The following GMDS variants were observed in gnomAD, a reference collection of about 807,000 sequenced individuals.
GMDS encodes the protein GDP-mannose 4,6 dehydratase.
Under a neutral mutation model 49.9 loss-of-function variants are expected in GMDS, and 20 were observed. The ratio of observed to expected loss-of-function variants is 0.40; its 90% confidence interval spans 0.28 to 0.58. GMDS has a LOEUF of 0.58. Ranked by LOEUF, GMDS falls within the 20% of genes least tolerant of loss-of-function variation. The pLI, the probability that GMDS is intolerant of heterozygous loss-of-function variation, is 0.42. For synonymous variants in GMDS, 177 were observed against 178.6 expected, an observed-to-expected ratio of 0.99 and a Z score of 0.07; for missense variants, 362 against 481.4, an observed-to-expected ratio of 0.75 and a Z score of 2.32.
At chr6:2,142,678 T>A (rs1349093201) in intron 1 of GMDS, among the ~76,000 whole-genome samples, 1 of 152,236 alleles carries the variant, frequency 6.6e-6, no homozygotes, top group South Asian at 2.1e-4. Context: ...AACCACCCAG[T>A]CTGTGGTACT....
At chr6:1,767,856 A>G (rs1211997504) in intron 7 of GMDS, among the ~76,000 whole-genome samples, 1 of 152,106 alleles carries the variant, frequency 6.6e-6, no homozygotes, top group East Asian at 1.9e-4. Flanking sequence ...GTTTCATTAA[A>G]AACAGAATAC....
chr6:1,844,571 G>A (rs140925240), intron 7 of GMDS, among the ~76,000 whole-genome samples: 72 of 152,200 alleles, frequency 4.7e-4, no homozygotes, highest in African/African-American at 1.7e-3. Context: ...TTCATTATCT[G>A]AGAAAATATT....
intron 9 of GMDS, among the ~76,000 whole-genome samples, chr6:1,698,442 A>G (rs1461165291): frequency 6.6e-6 from 1 of 152,162 alleles, no homozygotes; most frequent in East Asian, 1.9e-4. Context: ...CTCCCTGCAA[A>G]TAGGGGCAGC....
chr6:1,690,187 T>G (rs968290658), intron 9 of GMDS, among the ~76,000 whole-genome samples: 1 of 152,230 alleles, frequency 6.6e-6, no homozygotes, highest in African/African-American at 2.4e-5. Flanking sequence ...ATCATTTGTT[T>G]TAAAGAAAAC....
chr6:2,044,999 A>G (rs969053570), intron 4 of GMDS, among the ~76,000 whole-genome samples: 1 of 152,146 alleles, frequency 6.6e-6, no homozygotes, highest in African/African-American at 2.4e-5. Context: ...TCATCCATTC[A>G]CTAAAGGCTT....
At chr6:1,788,067 A>T (rs1276398386) in intron 7 of GMDS, among the ~76,000 whole-genome samples, 1 of 152,136 alleles carries the variant, frequency 6.6e-6, no homozygotes, top group Non-Finnish European at 1.5e-5. Flanking sequence ...GTCAAATTGG[A>T]ATATTAACAT....
At chr6:2,226,876 C>G (rs1780836342) in intron 1 of GMDS, among the ~76,000 whole-genome samples, 1 of 152,182 alleles carries the variant, frequency 6.6e-6, no homozygotes, top group Non-Finnish European at 1.5e-5. Context: ...TCCCTGGAGT[C>G]CCTCGTACTC....
chr6:2,189,235 G>A (rs1778910365), intron 1 of GMDS, among the ~76,000 whole-genome samples: 1 of 152,176 alleles, frequency 6.6e-6, no homozygotes. Flanking sequence ...GGCAACTGGT[G>A]TTTTGAGTCT....
At chr6:1,651,794 T>A (rs1056436500) in intron 9 of GMDS, among the ~76,000 whole-genome samples, 2 of 152,180 alleles carry the variant, frequency 1.3e-5, no homozygotes, top group Admixed American at 6.5e-5. Flanking sequence ...ATAATGTGTA[T>A]GCAAAAGCCC....
At chr6:2,114,981 A>C (rs1774763495) in intron 4 of GMDS, among the ~76,000 whole-genome samples, 1 of 151,660 alleles carries the variant, frequency 6.6e-6, no homozygotes, top group South Asian at 2.1e-4. Context: ...ACAAAAAAAA[A>C]CCTCATACAT....
chr6:1,666,544 G>T (rs1310392168), intron 9 of GMDS, among the ~76,000 whole-genome samples: 1 of 152,096 alleles, frequency 6.6e-6, no homozygotes, highest in Non-Finnish European at 1.5e-5. Context: ...TGATCCAAAG[G>T]TGAAGTTGAG....
At chr6:2,112,460 C>T (rs1205422259) in intron 4 of GMDS, among the ~76,000 whole-genome samples, 2 of 152,074 alleles carry the variant, frequency 1.3e-5, no homozygotes, top group Non-Finnish European at 2.9e-5. Context: ...GGTTCCCAGA[C>T]CAGGGACAGC....
At chr6:2,139,359 T>C (rs1044308419) in intron 1 of GMDS, among the ~76,000 whole-genome samples, 2 of 152,164 alleles carry the variant, frequency 1.3e-5, no homozygotes, top group African/African-American at 4.8e-5. Flanking sequence ...CCAGCAAGAT[T>C]GGTAGTGTGT....
intron 1 of GMDS, among the ~76,000 whole-genome samples, chr6:2,232,158 T>TTC (rs1300395227): frequency 2.0e-5 from 3 of 150,176 alleles, no homozygotes; most frequent in Non-Finnish European, 4.5e-5. Flanking sequence ...TAAAACGGGT[T>TTC]TTTTTTTTTA....
chr6:2,078,476 ATTCGT>A (rs1198176305), intron 4 of GMDS, among the ~76,000 whole-genome samples: 3 of 152,014 alleles, frequency 2.0e-5, no homozygotes, highest in Non-Finnish European at 2.9e-5. Flanking sequence ...TTCCACTTTC[ATTCGT>A]TTCAAGAAAT....
intron 9 of GMDS, chr6:1,625,315 A>G (rs1389099115): frequency 6.6e-6 from 1 of 152,222 alleles, no homozygotes; most frequent in African/African-American, 2.4e-5. Context: ...TAGACGGTCT[A>G]TTCTATTCTA....
intron 4 of GMDS, among the ~76,000 whole-genome samples, chr6:2,054,037 T>C (rs1770640889): frequency 2.0e-5 from 3 of 152,066 alleles, no homozygotes; most frequent in African/African-American, 7.2e-5. Context: ...TCAGAATAAA[T>C]TATATTCATG....
intron 7 of GMDS, among the ~76,000 whole-genome samples, chr6:1,911,101 G>A (rs533518164): frequency 5.9e-5 from 9 of 152,296 alleles, no homozygotes; most frequent in South Asian, 2.1e-4. Flanking sequence ...AAACAGCAAC[G>A]TGTACCATAT....
chr6:1,943,244 C>T (rs1163164790), intron 6 of GMDS, among the ~76,000 whole-genome samples: 1 of 152,180 alleles, frequency 6.6e-6, no homozygotes, highest in Non-Finnish European at 1.5e-5. Context: ...AGCTAGTTCC[C>T]AACTGCCTGG....
Sources: gnomAD v4.1 joint callset for allele counts (sites outside exome capture counted in the v4.1 genomes callset) on GRCh38, gnomAD v4.1.1 for gene constraint, MANE v1.5 for transcripts, NCBI Gene and HGNC (gene_info 2026-07-23, HGNC 2026-07-21) for gene names.